The following KIF21A variants were observed in gnomAD, a reference collection of about 807,000 sequenced individuals.
KIF21A encodes kinesin-like protein KIF21A.
Under a neutral mutation model 202.9 loss-of-function variants are expected in KIF21A, and 114 were observed. That is an observed-to-expected ratio of 0.56 (90% CI 0.48 to 0.66). KIF21A has a LOEUF of 0.66. KIF21A is among the 30% of genes least tolerant of loss of function. KIF21A has a pLI of 0.00. For missense variants in KIF21A, 1,677 were observed against 1,994.9 expected, an observed-to-expected ratio of 0.84 and a Z score of 3.04; for synonymous variants, 667 against 670.8, an observed-to-expected ratio of 0.99 and a Z score of 0.09.
At position 39,358,280 on chromosome 12, in the gene KIF21A, G is replaced by T. The variant is rs111710242; in HGVS notation, c.1113C>A (p.Ile371=). 1.0e-3 allele frequency: 1,663 copies of T among 1,613,936 alleles called. 18 individuals are homozygous for T. The African/African-American group carries it at 0.02, about 19-fold the overall frequency. The change falls in exon 8 of 38, where the codon ATC becomes ATA. Residue 371 remains isoleucine, a synonymous_variant. Coordinates refer to ENST00000361418, the MANE Select transcript of KIF21A (RefSeq NM_001173464.2). ...TLKYANRARN[I]KNKVMVNQDR... is the part of the protein sequence containing the mutation. ...CCTGATTGACCATCACCTTATTCTT[G>T]ATATTTCTAGCTCGATTGGCGTATT...
At chr12:39,319,858 A>G (rs1290456191) in intron 28 of KIF21A, 48 bp downstream of exon 28, 3 of 1,046,376 alleles carry the variant, frequency 2.9e-6, no homozygotes, top group East Asian at 2.4e-5. Context: ...ATCTAAGTGC[A>G]GCAGGCATTT....
chr12:39,353,145 A>G (rs113487784), intron 10 of KIF21A, among the ~76,000 whole-genome samples: 1 of 152,132 alleles, frequency 6.6e-6, no homozygotes, highest in African/African-American at 2.4e-5. Flanking sequence ...TGGAAGGCAC[A>G]GTCAGCTCAG....
chr12:39,422,096 T>A (rs571696877), intron 1 of KIF21A, among the ~76,000 whole-genome samples: 229 of 151,084 alleles, frequency 1.5e-3, no homozygotes, highest in African/African-American at 5.5e-3. Flanking sequence ...GTAGCTGGGA[T>A]TACAGGTACG....
chr12:39,374,149 C>T (rs1950127459), intron 1 of KIF21A, among the ~76,000 whole-genome samples: 1 of 152,146 alleles, frequency 6.6e-6, no homozygotes, highest in Non-Finnish European at 1.5e-5. Flanking sequence ...CACAGGAACA[C>T]CCAACCCAAG....
chr12:39,430,284 G>C (rs926939100), intron 1 of KIF21A, among the ~76,000 whole-genome samples: 1 of 151,710 alleles, frequency 6.6e-6, no homozygotes, highest in African/African-American at 2.4e-5. Flanking sequence ...TAAAATTAAG[G>C]GTCAGGTGTG....
rs148456295 is a variant in KIF21A, at chr12:39,369,790, T to G, written c.389A>C (p.His130Pro). ...HLFKSIEEKK[H>P]IAIKNGLPAP... is the part of the protein sequence containing the mutation. Reference sequence around the variant, plus strand: ...AGGAAGCCCATTTTTAATTGCTATGTGTTTTTTTTCTTCAATACTCTTAAA... The same window carrying G: ...AGGAAGCCCATTTTTAATTGCTATGGGTTTTTTTTCTTCAATACTCTTAAA... The change falls in exon 3 of 38, where the codon CAC (histidine) becomes CCC (proline). Residue 130 changes from histidine (H) to proline (P), a missense_variant. Coordinates refer to ENST00000361418, the MANE Select transcript of KIF21A (RefSeq NM_001173464.2). The G allele has an allele frequency of 1.9e-6, 3 of 1,613,008 alleles. No homozygotes were observed. Among genetic ancestry groups the G allele is most frequent in the Non-Finnish European group, 2.5e-6 (3 of 1,179,412 alleles).
intron 35 of KIF21A, among the ~76,000 whole-genome samples, chr12:39,303,629 C>T (rs1399421836): frequency 1.3e-5 from 2 of 151,988 alleles, no homozygotes; most frequent in African/African-American, 4.8e-5. Flanking sequence ...AGAAAGGAAA[C>T]CAGATTTTTT....
Position 39,351,894 on chromosome 12 carries a change from C to A in KIF21A, c.1556G>T (p.Gly519Val). The change falls in exon 11 of 38, where the codon GGA becomes GTA. Residue 519 changes from glycine to valine, a missense_variant. Around this residue, in one of 3 missense-constraint regions of KIF21A, gnomAD observed 966 missense variants for 1,180.9 expected, o/e 0.82. Transcript: ENST00000361418. ...RATARAPYFS[G>V]SSTFSPTILS... ...TATGGTAGGAGAAAAAGTTGATGATCCGCTGAAATATGGCGCTCTTGCTGT... is the reference window on the plus strand; with the variant it reads ...TATGGTAGGAGAAAAAGTTGATGATACGCTGAAATATGGCGCTCTTGCTGT... 6.2e-7 allele frequency: 1 copy of A among 1,613,186 alleles called. No individual in the cohort carries two copies. The highest frequency in any genetic ancestry group is 1.1e-5 in the South Asian group (1 of 91,016).
intron 1 of KIF21A, among the ~76,000 whole-genome samples, chr12:39,389,197 C>CACAA (rs1004841704): frequency 1.3e-5 from 2 of 151,766 alleles, no homozygotes; most frequent in African/African-American, 4.8e-5. Flanking sequence ...CACACACACA[C>CACAA]ACACACACAC....
chr12:39,301,395 TCAA>T, intron 37 of KIF21A, 82 bp downstream of exon 37: 1 of 1,039,978 alleles, frequency 9.6e-7, no homozygotes, highest in South Asian at 1.3e-5. Context: ...TTTTGTATAT[TCAA>T]CGTTTCTAGA....
Position 39,351,779 on chromosome 12 carries a change from T to C in KIF21A, c.1671A>G (p.Lys557=), listed in dbSNP as rs763430712. The change falls in exon 11 of 38, where the codon AAA becomes AAG. Residue 557 remains lysine (K), a splice_region_variant and synonymous_variant. Coordinates refer to ENST00000361418, the MANE Select transcript of KIF21A (RefSeq NM_001173464.2). ...KLKRKEKRKK[K]RLQKLEESNR... is the part of the protein sequence containing the mutation. ...TAGTGGTGATTTTATAATCCCACCT[T>C]TTTTTCTTCCTCTTTTCTTTTCTTT... is the stretch of plus-strand genomic sequence containing the variant. 1.9e-5 allele frequency: 30 copies of C among 1,540,614 alleles called. No homozygotes were observed. In the South Asian group the frequency reaches 2.8e-4, roughly 14 times the overall value.
intron 1 of KIF21A, among the ~76,000 whole-genome samples, chr12:39,379,940 A>C (rs1196213590): frequency 6.6e-6 from 1 of 152,182 alleles, no homozygotes; most frequent in Admixed American, 6.6e-5. Flanking sequence ...AATCAGGGTT[A>C]ATCTCAGGAA....
intron 1 of KIF21A, among the ~76,000 whole-genome samples, chr12:39,430,820 A>G (rs1022436475): frequency 2.6e-5 from 4 of 152,074 alleles, no homozygotes; most frequent in African/African-American, 7.2e-5. Flanking sequence ...AGATAAGGTC[A>G]TAGAGGAAGG....
At chr12:39,315,484 G>T (rs1944432206) in intron 30 of KIF21A, among the ~76,000 whole-genome samples, 1 of 151,230 alleles carries the variant, frequency 6.6e-6, no homozygotes, top group Admixed American at 6.6e-5. Context: ...TTAATTTTTG[G>T]TATAATAGTA....
At chr12:39,322,627 A>T in intron 27 of KIF21A, 41 bp downstream of exon 27, 1 of 1,463,908 alleles carries the variant, frequency 6.8e-7, no homozygotes, top group Non-Finnish European at 9.5e-7. Context: ...TTTTTTTTAA[A>T]GCCAAAAGAA....
At position 39,315,965 on chromosome 12, in the gene KIF21A, T is replaced by G; in HGVS notation, c.3914A>C (p.Asp1305Ala). ...CTCCGAGAGAGAGGAGTCACTTTCA[T>G]CAGACCTATAGTGAAAGAGTTAGAA... is the stretch of plus-strand genomic sequence containing the variant. ...GNTSVQQDKS[D>A]ESDSSLSEVH... Residue 1305 changes from aspartate to alanine, a missense_variant, in exon 30 of 38, where the codon GAT becomes GCT. Transcript: ENST00000361418. The G allele has an allele frequency of 6.2e-7, 1 of 1,601,120 alleles. No individual in the cohort carries two copies. The highest frequency in any genetic ancestry group is 1.3e-5 in the African/African-American group (1 of 74,646).
intron 1 of KIF21A, among the ~76,000 whole-genome samples, chr12:39,440,749 G>T (rs534606636): frequency 1.3e-5 from 2 of 152,334 alleles, no homozygotes; most frequent in Non-Finnish European, 2.9e-5. Flanking sequence ...GATTTATCCA[G>T]GCGCAGTGGC....
Position 39,436,708 on chromosome 12 carries a change from T to C in KIF21A, c.44+6219A>G, listed in dbSNP as rs1452220322. ...ACCTTCAGAAAGATCTCATAATAATTGTATGGTATCATGAAAACTGTCCCT... is the reference window on the plus strand; with the variant it reads ...ACCTTCAGAAAGATCTCATAATAATCGTATGGTATCATGAAAACTGTCCCT... On this transcript the variant is annotated intron_variant, in intron 1 of 37. Transcript: ENST00000361418. Among the ~76,000 whole-genome samples the C allele has an allele frequency of 2.0e-5, 3 of 151,310 alleles. No individual in the cohort carries two copies. The East Asian group carries it at 5.8e-4, about 29-fold the overall frequency.
chr12:39,326,972 A>G (rs1039000513), intron 24 of KIF21A, among the ~76,000 whole-genome samples: 5 of 152,214 alleles, frequency 3.3e-5, no homozygotes, highest in African/African-American at 1.2e-4. Context: ...CAACTGTAGT[A>G]GACTAGTGAA....
Sources: allele counts gnomAD v4.1 joint callset (sites outside exome capture counted in the v4.1 genomes callset), GRCh38; gene constraint gnomAD v4.1.1; regional missense constraint gnomAD v4.1.1; transcripts MANE v1.5; gene names NCBI Gene and HGNC (gene_info 2026-07-23, HGNC 2026-07-21).